CDKN2C: variants seen among roughly 807,000 people sequenced by gnomAD.
CDKN2C encodes the protein cyclin-dependent kinase 4 inhibitor C.
CDKN2C carries 5 observed loss-of-function variants against 11.0 expected under a neutral mutation model. The ratio of observed to expected loss-of-function variants is 0.45; its 90% CI spans 0.24 to 0.95. CDKN2C has a LOEUF of 0.95. CDKN2C is among the 40% of genes least tolerant of loss of function. CDKN2C has a pLI of 0.21. For missense variants in CDKN2C, 161 were observed against 211.9 expected (o/e 0.76, Z 1.49); for synonymous variants, 79 against 88.3 (o/e 0.89, Z 0.59).
upstream of CDKN2C, chr1:50,968,874 G>C (rs887271074): frequency 2.6e-5 from 4 of 152,538 alleles, no homozygotes; most frequent in African/African-American, 7.2e-5. Flanking sequence ...AAAGCAGCAA[G>C]GGAGGGAGTG....
intron 1 of CDKN2C, among the ~76,000 whole-genome samples, chr1:50,964,959 A>G (rs1645340873): frequency 6.6e-6 from 1 of 152,112 alleles, no homozygotes; most frequent in African/African-American, 2.4e-5. Flanking sequence ...GGGCTGAGGC[A>G]GAAGAATTGC....
chr1:50,974,566 T>C lies in CDKN2C; in HGVS notation c.*296T>C, dbSNP rs1645399695. 3.1e-6 allele frequency: 1 copy of C among 319,680 alleles called. No homozygotes were observed. The highest frequency in any genetic ancestry group is 5.7e-6 in the Non-Finnish European group (1 of 174,416). 19.8% of individuals were successfully genotyped at this position (319,680 alleles called of 1,614,324 possible). ...CCTTTTGCCAATCTCAACACCCAAG[T>C]TGAAGACTTTGTTTTTAAAATGGTT... On this transcript the variant is annotated 3_prime_UTR_variant, in exon 2 of 2. Transcript: ENST00000371761.
chr1:50,963,726 G>GA (rs1447309900), intron 1 of CDKN2C, among the ~76,000 whole-genome samples: 2 of 151,870 alleles, frequency 1.3e-5, no homozygotes, highest in Admixed American at 6.6e-5. Context: ...TGAATTAGGA[G>GA]AAAAAAAATC....
At chr1:50,962,757 A>G (rs970130941) in intron 1 of CDKN2C, among the ~76,000 whole-genome samples, 4 of 152,232 alleles carry the variant, frequency 2.6e-5, no homozygotes, top group African/African-American at 9.6e-5. Flanking sequence ...TTTCCAAATA[A>G]TTAGCTGAGG....
intron 1 of CDKN2C, among the ~76,000 whole-genome samples, chr1:50,961,078 C>T (rs528421500): frequency 6.6e-6 from 1 of 152,000 alleles, no homozygotes; most frequent in Non-Finnish European, 1.5e-5. Context: ...CACTGTGGCC[C>T]GGGCTGGAGT....
rs779806060 is a variant in CDKN2C at position 50,974,286 on chromosome 1, C to T, written c.*16C>T. The T allele has an allele frequency of 4.7e-5, 72 of 1,530,680 alleles. No individual in the cohort carries two copies. Among genetic ancestry groups the T allele is most frequent in the Non-Finnish European group, 6.1e-5 (70 of 1,141,458 alleles). 94.8% of individuals were successfully genotyped at this position (1,530,680 alleles called of 1,614,324 possible). A position where few individuals can be genotyped will look rare whatever the true frequency, so the allele number is the denominator to read the frequency against. ...TCTTCAATAAACGTGGGGAGGGCTC[C>T]CCCACGTTGCCTCTACTTTATCAAT... is the stretch of plus-strand genomic sequence containing the variant. On this transcript the variant is annotated 3_prime_UTR_variant, in exon 2 of 2. Transcript: ENST00000371761.
At position 50,974,467 on chromosome 1, in the gene CDKN2C, T is replaced by C; in HGVS notation, c.*197T>C. The C allele has an allele frequency of 2.1e-6, 1 of 470,504 alleles. No individual in the cohort carries two copies. Among genetic ancestry groups the C allele is most frequent in the Non-Finnish European group, 3.6e-6 (1 of 274,632 alleles). 29.1% of individuals were successfully genotyped at this position (470,504 alleles called of 1,614,324 possible). A position where few individuals can be genotyped will look rare whatever the true frequency, so the allele number is the denominator to read the frequency against. On this transcript the variant is annotated 3_prime_UTR_variant, in exon 2 of 2. Coordinates refer to ENST00000371761, the MANE Select transcript of CDKN2C (RefSeq NM_078626.3). ...CATCTTTTTAACCTGCAAAATCTGT[T>C]CTAACATGTAATTGCAGATAACTTT...
At chr1:50,970,239 TACTCCAGATTAACC>T in exon 1 of CDKN2C, 1 of 1,109,770 alleles carries the variant, frequency 9.0e-7, no homozygotes, top group Non-Finnish European at 1.3e-6. Context: ...TACCAAGCTC[TACTCCAGATTAACC>T]ATCCCAGTCC....
chr1:50,967,156 A>G (rs1313358536), upstream of CDKN2C, among the ~76,000 whole-genome samples: 1 of 152,248 alleles, frequency 6.6e-6, no homozygotes, highest in Non-Finnish European at 1.5e-5. Flanking sequence ...GTTCTCTTTT[A>G]TCAGCCAACA....
intron 1 of CDKN2C, among the ~76,000 whole-genome samples, chr1:50,971,341 A>G (rs969279377): frequency 7.9e-5 from 12 of 152,240 alleles, no homozygotes; most frequent in Admixed American, 7.9e-4. Flanking sequence ...AGCTATTCTT[A>G]TTTGGAAATG....
chr1:50,966,085 CTCT>C (rs1284275132), upstream of CDKN2C, among the ~76,000 whole-genome samples: 1 of 149,420 alleles, frequency 6.7e-6, no homozygotes, highest in Non-Finnish European at 1.5e-5. Context: ...TATTCTATGT[CTCT>C]TTTTTTTTTT....
upstream of CDKN2C, chr1:50,968,603 G>C (rs1645360633): frequency 6.6e-6 from 1 of 152,242 alleles, no homozygotes; most frequent in Admixed American, 6.5e-5. Context: ...GACCGGGCGG[G>C]CGGAGCGTGC....
chr1:50,962,959 T>C (rs1050829311), intron 1 of CDKN2C, among the ~76,000 whole-genome samples: 4 of 152,230 alleles, frequency 2.6e-5, no homozygotes, highest in Non-Finnish European at 4.4e-5. Flanking sequence ...TCTGGTTCTA[T>C]TTCTTTATCT....
Position 50,974,268 on chromosome 1 carries a change from T to A in CDKN2C, c.505T>A (p.Ter169LysextTer16). The A allele has an allele frequency of 1.9e-6, 3 of 1,550,550 alleles. No homozygotes were observed. Among genetic ancestry groups the A allele is most frequent in the Non-Finnish European group, 2.6e-6 (3 of 1,148,806 alleles). ...NGAGGATNLQ* is the reference protein window; with the variant it reads ...NGAGGATNLQK Reference sequence around the variant, plus strand: ...GGCTGGGGGAGCCACAAATCTTCAATAAACGTGGGGAGGGCTCCCCCACGT... The same window carrying A: ...GGCTGGGGGAGCCACAAATCTTCAAAAAACGTGGGGAGGGCTCCCCCACGT... The change falls in exon 2 of 2, where the codon TAA becomes AAA. Residue 169 changes from the stop codon to lysine (K), a stop_lost. Transcript: ENST00000371761.
In CDKN2C at chr1:50,974,526, T is replaced by C; in HGVS notation, c.*256T>C. ...TCTGAATATTTTATCTTTCCTTGGC[T>C]TTTCCCTTGCTTCCCCTTTTGCCAA... On this transcript the variant is annotated 3_prime_UTR_variant, in exon 2 of 2. Coordinates refer to ENST00000371761, the MANE Select transcript of CDKN2C (RefSeq NM_078626.3). 2.8e-6 allele frequency: 1 copy of C among 360,764 alleles called. No homozygotes were observed. Among genetic ancestry groups the C allele is most frequent in the Non-Finnish European group, 5.0e-6 (1 of 201,384 alleles). The allele number at this position is 360,764 out of a possible 1,614,324, so 22.3% of individuals were successfully genotyped here. A position where few individuals can be genotyped will look rare whatever the true frequency, so the allele number is the denominator to read the frequency against.
rs146662838 is a variant in CDKN2C at position 50,970,780 on chromosome 1, G to A, written c.129+283G>A. On this transcript the variant is annotated intron_variant, in intron 1 of 1. Transcript: ENST00000371761. ...CGGTGGGGATTTTAAAGTAGTCAGT[G>A]TAGGGCCGAGGTTTGTTTGTTTTGT... 2.6e-4 allele frequency among the ~76,000 whole-genome samples: 40 copies of A among 152,332 alleles called. No homozygotes were observed. The East Asian group carries it at 7.5e-3, about 29-fold the overall frequency.
chr1:50,961,470 T>C (rs1480780580), intron 1 of CDKN2C, among the ~76,000 whole-genome samples: 3 of 152,228 alleles, frequency 2.0e-5, no homozygotes, highest in Non-Finnish European at 2.9e-5. Flanking sequence ...CAGTTTGTAA[T>C]TGTCGTCCAG....
intron 1 of CDKN2C, among the ~76,000 whole-genome samples, chr1:50,971,409 T>A (rs1456474695): frequency 6.6e-6 from 1 of 152,202 alleles, no homozygotes. Flanking sequence ...GAGGGCTTTG[T>A]TTCGGTTACA....
At chr1:50,968,550 G>C (rs1369395945), upstream of CDKN2C, 2 of 152,488 alleles carry the variant, frequency 1.3e-5, no homozygotes, top group African/African-American at 2.4e-5. Flanking sequence ...CGAGAGACTT[G>C]ACGGGAGGAG....
Sources: allele counts gnomAD v4.1 joint callset (sites outside exome capture counted in the v4.1 genomes callset), GRCh38; gene constraint gnomAD v4.1.1; transcripts MANE v1.5; gene names NCBI Gene and HGNC (gene_info 2026-07-23, HGNC 2026-07-21).